JAKMIP3: variants seen among roughly 807,000 people sequenced by gnomAD.
JAKMIP3 encodes the protein janus kinase and microtubule-interacting protein 3.
Under a neutral mutation model 118.5 loss-of-function variants are expected in JAKMIP3, and 58 were observed. The ratio of observed to expected loss-of-function variants is 0.49; its 90% CI spans 0.40 to 0.61. The LOEUF is 0.61. Among genes scored for constraint, JAKMIP3 ranks in the 20% least tolerant of loss-of-function variants. The probability of loss-of-function intolerance (pLI) is 0.00; values close to 1 mark genes in which losing one functional copy is unlikely to be tolerated. For synonymous variants in JAKMIP3, 486 were observed against 451.2 expected, an observed-to-expected ratio of 1.08 and a Z score of -0.98; for missense variants, 950 against 1,109.0, an observed-to-expected ratio of 0.86 and a Z score of 2.04.
Position 132,153,078 on chromosome 10 carries a change from C to T in JAKMIP3, c.2073+55C>T, listed in dbSNP as rs1367395924. 26 of 1,401,616 alleles carry T rather than the reference C, an allele frequency of 1.9e-5. No homozygotes were observed. The East Asian group carries it at 6.0e-4, about 33-fold the overall frequency. 86.8% of individuals were successfully genotyped at this position (1,401,616 alleles called of 1,614,324 possible). A position where few individuals can be genotyped will look rare whatever the true frequency, so the allele number is the denominator to read the frequency against. ...AGGGCCGGGCTCCTGGGGTCTCCTG[C>T]CCTGCTCAGCTCAGAGGTGGTGATC... On this transcript the variant is annotated intron_variant, in intron 17 of 23. Coordinates refer to ENST00000684848, the MANE Select transcript of JAKMIP3 (RefSeq NM_001323087.2).
chr10:132,148,580 C>G (rs961528570), intron 14 of JAKMIP3, among the ~76,000 whole-genome samples: 7 of 152,202 alleles, frequency 4.6e-5, no homozygotes, highest in Non-Finnish European at 1.0e-4. Context: ...GTCCAGGCCT[C>G]CGCCGTCGGC....
chr10:132,178,265 T>C (rs972387791), intron 23 of JAKMIP3, among the ~76,000 whole-genome samples: 1 of 152,152 alleles, frequency 6.6e-6, no homozygotes, highest in African/African-American at 2.4e-5. Flanking sequence ...GGGGAGAGGA[T>C]GACCTCAGAG....
chr10:132,164,680 A>G lies in JAKMIP3; in HGVS notation c.2435A>G (p.Glu812Gly), dbSNP rs1043071923. ...CTTTTAATCTTGCAGAGAATTAAAG[A>G]GTTAGAAGAAAGAATAGAAGCTCAG... is the stretch of plus-strand genomic sequence containing the variant. ...LLQLAQQRIK[E>G]LEERIEAQKR... Residue 812 changes from glutamate (E) to glycine (G), a missense_variant, in exon 21 of 24, where the codon GAG (glutamate) becomes GGG (glycine). By Grantham distance (98) the Glu-to-Gly change is moderately conservative. Transcript: ENST00000684848. The G allele has an allele frequency of 1.9e-6, 3 of 1,582,132 alleles. No individual in the cohort carries two copies. The highest frequency in any genetic ancestry group is 2.6e-6 in the Non-Finnish European group (3 of 1,151,144).
intron 2 of JAKMIP3, among the ~76,000 whole-genome samples, chr10:132,115,962 C>T (rs1294701153): frequency 2.0e-5 from 3 of 152,196 alleles, no homozygotes; most frequent in African/African-American, 4.8e-5. Flanking sequence ...CTCCTCGGAG[C>T]GGGAGAGCAA....
intron 4 of JAKMIP3, 147 bp downstream of exon 4, chr10:132,133,674 C>T (rs1412730759): frequency 1.4e-5 from 10 of 706,198 alleles, no homozygotes; most frequent in Admixed American, 7.7e-5. Flanking sequence ...CCCCACCCAG[C>T]CTGGCCCTAG....
At chr10:132,108,979 G>GCAAATGTATATATAAATTATATACA (rs2046361013) in intron 2 of JAKMIP3, among the ~76,000 whole-genome samples, 5 of 140,290 alleles carry the variant, frequency 3.6e-5, no homozygotes, top group Non-Finnish European at 3.0e-5. Flanking sequence ...AATTATATAC[G>GCAAATGTATATATAAATTATATACA]CAAATGTATA....
intron 23 of JAKMIP3, among the ~76,000 whole-genome samples, chr10:132,171,045 C>G (rs1328463619): frequency 6.6e-6 from 1 of 152,216 alleles, no homozygotes; most frequent in Non-Finnish European, 1.5e-5. Flanking sequence ...AAACCTGTCC[C>G]CGCTGGAGCA....
chr10:132,131,739 A>G (rs962998856), intron 3 of JAKMIP3, among the ~76,000 whole-genome samples: 14 of 151,886 alleles, frequency 9.2e-5, no homozygotes, highest in African/African-American at 3.1e-4. Flanking sequence ...TCAGCTTTGA[A>G]CGTCCCGTGT....
At chr10:132,060,984 C>A (rs2038375207), upstream of JAKMIP3, among the ~76,000 whole-genome samples, 1 of 152,086 alleles carries the variant, frequency 6.6e-6, no homozygotes, top group Non-Finnish European at 1.5e-5. Context: ...AAGATCGCAC[C>A]ACTGCACTCC....
rs139560471 is a variant in JAKMIP3 at position 132,101,596 on chromosome 10, T to A, written c.-137-3076T>A. ...CCTTTTCCTCAAATGCTCAATGCCC[T>A]ATGACAGCCAGATGGGAATGAGTTT... On this transcript the variant is annotated intron_variant, in intron 1 of 23. Coordinates refer to ENST00000684848, the MANE Select transcript of JAKMIP3 (RefSeq NM_001323087.2). 9.8e-5 allele frequency among the ~76,000 whole-genome samples: 15 copies of A among 152,322 alleles called. No homozygotes were observed. The East Asian group carries it at 2.5e-3, about 25-fold the overall frequency.
At chr10:132,148,196 G>A (rs1564962910) in intron 14 of JAKMIP3, 146 bp downstream of exon 14, 2 of 566,430 alleles carry the variant, frequency 3.5e-6, no homozygotes, top group South Asian at 2.1e-5. Context: ...AGAGGCAAAT[G>A]GCCGTAAACC....
At chr10:132,059,184 C>A (rs761263351) in intron 1 of JAKMIP3, among the ~76,000 whole-genome samples, 2 of 152,240 alleles carry the variant, frequency 1.3e-5, no homozygotes, top group Admixed American at 6.5e-5. Context: ...TGGAGAGGAG[C>A]CTTTCCTCCC....
In JAKMIP3 at chr10:132,045,956, ACT is replaced by A. The variant is rs1167158572; in HGVS notation, c.-138+9221_-138+9222del. Among the ~76,000 whole-genome samples the A allele has an allele frequency of 6.7e-5, 10 of 149,746 alleles. No homozygotes were observed. In the Admixed American group the frequency reaches 6.7e-4, roughly 10 times the overall value. ...CTTAAAAAAAAAAAAAAATACACAC[ACT>A]CTTTATATTCAGTTTAAGGTAAAAT... On this transcript the variant is annotated intron_variant, in intron 1 of 23. Coordinates refer to the JAKMIP3 transcript ENST00000657785.
chr10:132,146,129 G>A (rs1434290132), intron 13 of JAKMIP3, among the ~76,000 whole-genome samples: 4 of 99,980 alleles, frequency 4.0e-5, no homozygotes, highest in African/African-American at 7.8e-5. Flanking sequence ...GTGCTGCCCC[G>A]CCCCCACCCC....
At position 132,141,855 on chromosome 10, in the gene JAKMIP3, A is replaced by G. The variant is rs554380739; in HGVS notation, c.1474-65A>G. The G allele has an allele frequency of 1.9e-4, 298 of 1,538,030 alleles. 1 individual carries two copies. The East Asian group carries it at 2.7e-3, about 14-fold the overall frequency. On this transcript the variant is annotated intron_variant, in intron 10 of 23. Coordinates refer to ENST00000684848, the MANE Select transcript of JAKMIP3 (RefSeq NM_001323087.2). Reference sequence around the variant, plus strand: ...AGAAGGGAAGCCCCGGGGCCCCGCCATCGGAGGAGGTGCTGGCTACTGACA... The same window carrying G: ...AGAAGGGAAGCCCCGGGGCCCCGCCGTCGGAGGAGGTGCTGGCTACTGACA...
intron 19 of JAKMIP3, among the ~76,000 whole-genome samples, chr10:132,159,627 TCCTTTGTGATGCTGGGGGGCCTCTC>T (rs1564981648): frequency 7.8e-4 from 54 of 69,404 alleles, no homozygotes; most frequent in Admixed American, 1.7e-3. Context: ...GGGGTCCTCT[TCCTTTGTGATGCTGGGGGGCCTCTC>T]CCTGTGTGAT....
Position 132,158,095 on chromosome 10 carries a change from C to T in JAKMIP3, c.2220+4105C>T, listed in dbSNP as rs1294519979. On this transcript the variant is annotated intron_variant, in intron 19 of 23. Transcript: ENST00000684848. ...ACCGCCCCCCCGCCCCGCCCCGCCC[C>T]GCCCCGCCCCCGGCAGCATCTGTCT... Among the ~76,000 whole-genome samples, 7 of 148,304 alleles carry T rather than the reference C, an allele frequency of 4.7e-5. No homozygotes were observed. The East Asian group carries it at 8.0e-4, about 17-fold the overall frequency.
At chr10:132,167,871 C>CCCCTCGCCCCTCGCCCCTCGG in intron 22 of JAKMIP3, 82 bp from the exon 23 acceptor site, 3 of 1,091,200 alleles carry the variant, frequency 2.7e-6, no homozygotes, top group East Asian at 5.9e-5. Flanking sequence ...TCGGCCCTCG[C>CCCCTCGCCCCTCGCCCCTCGG]CCCTCGCCCC....
chr10:132,155,389 G>A (rs1332470198), intron 19 of JAKMIP3, among the ~76,000 whole-genome samples: 1 of 152,224 alleles, frequency 6.6e-6, no homozygotes, highest in Non-Finnish European at 1.5e-5. Context: ...TCGAATGTCA[G>A]CATTCTTCTC....
Sources: allele counts gnomAD v4.1 joint callset (sites outside exome capture counted in the v4.1 genomes callset), GRCh38; gene constraint gnomAD v4.1.1; transcripts MANE v1.5; gene names NCBI Gene and HGNC (gene_info 2026-07-23, HGNC 2026-07-21).